CLIC4: variants seen among roughly 807,000 people sequenced by gnomAD.
The protein encoded by CLIC4 is chloride intracellular channel protein 4.
A neutral mutation model predicts 24.6 loss-of-function variants in CLIC4; 13 were observed. The ratio of observed to expected loss-of-function variants is 0.53; its 90% CI spans 0.34 to 0.84. CLIC4 has a LOEUF of 0.84. Among genes scored for constraint, CLIC4 ranks in the 40% least tolerant of loss-of-function variants. The probability of loss-of-function intolerance (pLI) is 0.01; values close to 1 mark genes in which losing one functional copy is unlikely to be tolerated. For missense variants in CLIC4, 227 were observed against 301.7 expected (o/e 0.75, Z 1.83); for synonymous variants, 104 against 111.3 (o/e 0.93, Z 0.41).
chr1:24,755,914 T>C (rs1459375917), intron 1 of CLIC4, among the ~76,000 whole-genome samples: 2 of 151,706 alleles, frequency 1.3e-5, no homozygotes, highest in African/African-American at 4.8e-5. Context: ...CTCCGCCTCC[T>C]GGTTTCAAGC....
At chr1:24,752,948 C>G (rs1216888383) in intron 1 of CLIC4, among the ~76,000 whole-genome samples, 2 of 152,164 alleles carry the variant, frequency 1.3e-5, no homozygotes, top group Non-Finnish European at 2.9e-5. Flanking sequence ...GTCTCGATCT[C>G]CTGACCCCAT....
At chr1:24,756,937 C>T (rs1303338816) in intron 1 of CLIC4, among the ~76,000 whole-genome samples, 2 of 151,384 alleles carry the variant, frequency 1.3e-5, no homozygotes, top group South Asian at 2.1e-4. Flanking sequence ...CTCTTGTTGC[C>T]GAGGCTGGAG....
chr1:24,812,521 C>G (rs892818555), intron 2 of CLIC4, among the ~76,000 whole-genome samples: 1 of 152,096 alleles, frequency 6.6e-6, no homozygotes, highest in Admixed American at 6.5e-5. Flanking sequence ...CAGACACTAA[C>G]TCTCCAAAAT....
intron 1 of CLIC4, among the ~76,000 whole-genome samples, chr1:24,774,570 A>G (rs530050722): frequency 3.3e-5 from 5 of 151,796 alleles, no homozygotes; most frequent in Admixed American, 6.5e-5. Flanking sequence ...GAAGTGGAAG[A>G]TCTCTTGAGC....
intron 2 of CLIC4, among the ~76,000 whole-genome samples, chr1:24,807,564 C>T (rs537889710): frequency 1.3e-5 from 2 of 151,236 alleles, no homozygotes; most frequent in South Asian, 4.2e-4. Flanking sequence ...TAAAGAGAGT[C>T]ACCGGGTGAG....
At chr1:24,753,981 C>T (rs1475993039) in intron 1 of CLIC4, among the ~76,000 whole-genome samples, 1 of 152,162 alleles carries the variant, frequency 6.6e-6, no homozygotes, top group Non-Finnish European at 1.5e-5. Flanking sequence ...ACTCAATATT[C>T]AGACAATATT....
intron 1 of CLIC4, among the ~76,000 whole-genome samples, chr1:24,749,418 G>A (rs1490264943): frequency 6.6e-6 from 1 of 152,016 alleles, no homozygotes; most frequent in Non-Finnish European, 1.5e-5. Flanking sequence ...GATGTAATGG[G>A]GCTTTGAGCC....
At chr1:24,822,951 A>G (rs1639750277) in intron 3 of CLIC4, among the ~76,000 whole-genome samples, 1 of 152,158 alleles carries the variant, frequency 6.6e-6, no homozygotes, top group Non-Finnish European at 1.5e-5. Context: ...TCCTTCCAGA[A>G]CAAGGAGGTC....
intron 1 of CLIC4, among the ~76,000 whole-genome samples, chr1:24,781,653 A>G (rs552264396): frequency 6.0e-5 from 9 of 150,210 alleles, no homozygotes; most frequent in African/African-American, 2.2e-4. Context: ...GAAGATGGAG[A>G]ACTTTGTGAG....
intron 1 of CLIC4, among the ~76,000 whole-genome samples, chr1:24,756,650 G>A (rs1244400546): frequency 6.6e-6 from 1 of 151,854 alleles, no homozygotes; most frequent in Non-Finnish European, 1.5e-5. Context: ...GTATGTGGGA[G>A]AAGAAAAAAG....
chr1:24,820,067 G>GTGTGTGTGTATATA (rs1212033050), intron 3 of CLIC4, among the ~76,000 whole-genome samples: 1 of 36,472 alleles, frequency 2.7e-5, no homozygotes, highest in Non-Finnish European at 5.2e-5. Context: ...AAAAAAGTAT[G>GTGTGTGTGTATATA]TATATATATA....
chr1:24,797,641 T>C, intron 1 of CLIC4, 101 bp from the exon 2 acceptor site: 2 of 746,154 alleles, frequency 2.7e-6, no homozygotes, highest in Non-Finnish European at 4.3e-6. Context: ...AATGTAACTT[T>C]TCCTGGCTTC....
chr1:24,749,042 C>T (rs1557792193), intron 1 of CLIC4, among the ~76,000 whole-genome samples: 2 of 151,618 alleles, frequency 1.3e-5, no homozygotes, highest in South Asian at 4.2e-4. Flanking sequence ...GGCGAAACCG[C>T]ATTTCTACTA....
At chr1:24,818,272 AT>A (rs1284671802) in intron 3 of CLIC4, among the ~76,000 whole-genome samples, 1 of 151,898 alleles carries the variant, frequency 6.6e-6, no homozygotes, top group Non-Finnish European at 1.5e-5. Context: ...AAGTTACTCA[AT>A]TTGGTTTTTT....
intron 1 of CLIC4, among the ~76,000 whole-genome samples, chr1:24,794,732 A>G (rs1392467173): frequency 1.3e-5 from 2 of 152,096 alleles, no homozygotes; most frequent in Non-Finnish European, 2.9e-5. Flanking sequence ...TTTCGTTGCA[A>G]TTGTTTTTGG....
At chr1:24,805,098 A>AC (rs1553192963) in intron 2 of CLIC4, among the ~76,000 whole-genome samples, 2 of 143,974 alleles carry the variant, frequency 1.4e-5, no homozygotes, top group South Asian at 2.3e-4. Context: ...AAAAAAAAAA[A>AC]AAAAAAACAC....
intron 1 of CLIC4, among the ~76,000 whole-genome samples, chr1:24,754,660 TG>T (rs1218814154): frequency 6.6e-6 from 1 of 152,110 alleles, no homozygotes; most frequent in East Asian, 1.9e-4. Context: ...GACATGTAAA[TG>T]TAATTTAGGG....
chr1:24,785,853 T>TGAAAAA (rs1261170353), intron 1 of CLIC4, among the ~76,000 whole-genome samples: 1 of 10,200 alleles, frequency 9.8e-5, no homozygotes, highest in African/African-American at 4.3e-4. Flanking sequence ...AGACTACAAC[T>TGAAAAA]CAAAAAAAAA....
Position 24,840,774 on chromosome 1 carries a change from T to A in CLIC4, c.599T>A (p.Val200Glu). 1 of 1,604,632 alleles carries A rather than the reference T, an allele frequency of 6.2e-7. No homozygotes were observed. The highest frequency in any genetic ancestry group is 2.2e-5 in the East Asian group (1 of 44,516). ...ACTTTTGATCTCTTTGTATTTCAGG[T>A]GGTGGCCAAAAAATATCGCAACTTT... is the stretch of plus-strand genomic sequence containing the variant. ...NLLPKLHIVK[V>E]VAKKYRNFDI... Residue 200 changes from valine (V) to glutamate (E), a missense_variant and splice_region_variant, in exon 6 of 6, where the codon GTG becomes GAG. By Grantham distance (121) the Val-to-Glu change is moderately radical. Transcript: ENST00000374379.
Sources: allele counts gnomAD v4.1 joint callset (sites outside exome capture counted in the v4.1 genomes callset), GRCh38; gene constraint gnomAD v4.1.1; transcripts MANE v1.5; gene names NCBI Gene and HGNC (gene_info 2026-07-23, HGNC 2026-07-21).